ITPR1: variants seen among roughly 807,000 people sequenced by gnomAD.
ITPR1 encodes the protein inositol 1,4,5-trisphosphate receptor type 1.
Under a neutral mutation model 318.4 loss-of-function variants are expected in ITPR1, and 96 were observed. The ratio of observed to expected loss-of-function variants is 0.30; its 90% CI spans 0.26 to 0.36. ITPR1 has a LOEUF of 0.36. Among genes scored for constraint, ITPR1 ranks in the 10% least tolerant of loss-of-function variants. The probability of loss-of-function intolerance (pLI) is 1.00; values close to 1 mark genes in which losing one functional copy is unlikely to be tolerated. For synonymous variants in ITPR1, 1,312 were observed against 1,289.9 expected, an observed-to-expected ratio of 1.02 and a Z score of -0.37; for missense variants, 2,440 against 3,460.2, an observed-to-expected ratio of 0.71 and a Z score of 7.40.
intron 59 of ITPR1, chr3:4,817,395 G>A (rs1559949176): frequency 1.3e-5 from 2 of 152,202 alleles, no homozygotes. Context: ...ACACATCTGT[G>A]TATATATGTA....
Position 4,697,091 on chromosome 3 carries a change from A to G in ITPR1, c.4282-56A>G, listed in dbSNP as rs2094570883. 4.5e-6 allele frequency: 7 copies of G among 1,566,476 alleles called. No homozygotes were observed. The Admixed American group carries it at 1.2e-4, about 27-fold the overall frequency. Reference sequence around the variant, plus strand: ...CCTTGCTGTGAAGTTGAGGCAGCTAATGAGTTCCATACACACCAAGATGGT... The same window carrying G: ...CCTTGCTGTGAAGTTGAGGCAGCTAGTGAGTTCCATACACACCAAGATGGT... On this transcript the variant is annotated intron_variant, in intron 33 of 61. Transcript: ENST00000649015.
intron 4 of ITPR1, among the ~76,000 whole-genome samples, chr3:4,527,369 G>T (rs2083066597): frequency 6.6e-6 from 1 of 152,056 alleles, no homozygotes; most frequent in Non-Finnish European, 1.5e-5. Context: ...AGAGATGGGG[G>T]TCTTGTATGG....
At chr3:4,810,438 A>G (rs764522207) in intron 55 of ITPR1, among the ~76,000 whole-genome samples, 2 of 152,192 alleles carry the variant, frequency 1.3e-5, no homozygotes, top group Non-Finnish European at 2.9e-5. Context: ...CAGGAAGCCA[A>G]CTTCTTGCAA....
At chr3:4,577,886 G>A (rs1488358104) in intron 4 of ITPR1, among the ~76,000 whole-genome samples, 1 of 152,160 alleles carries the variant, frequency 6.6e-6, no homozygotes, top group Non-Finnish European at 1.5e-5. Flanking sequence ...TAGTTATTTG[G>A]ATAGAGGCCA....
At chr3:4,676,021 G>A (rs2094177679) in intron 23 of ITPR1, among the ~76,000 whole-genome samples, 1 of 152,032 alleles carries the variant, frequency 6.6e-6, no homozygotes, top group African/African-American at 2.4e-5. Context: ...CTAGTTCTGT[G>A]CTCATAACAA....
chr3:4,499,611 A>C (rs989762361), intron 2 of ITPR1, among the ~76,000 whole-genome samples: 4 of 152,322 alleles, frequency 2.6e-5, no homozygotes, highest in South Asian at 4.1e-4. Context: ...ATGTTCACTA[A>C]TCTCTGTATT....
chr3:4,501,460 A>G (rs2081015007), intron 2 of ITPR1, among the ~76,000 whole-genome samples: 1 of 152,254 alleles, frequency 6.6e-6, no homozygotes, highest in African/African-American at 2.4e-5. Flanking sequence ...ATGAATGAGA[A>G]CCTACATTTT....
intron 4 of ITPR1, among the ~76,000 whole-genome samples, chr3:4,583,401 C>T (rs2089557738): frequency 6.6e-6 from 1 of 151,994 alleles, no homozygotes; most frequent in East Asian, 1.9e-4. Flanking sequence ...TTATGTGTTT[C>T]ACAGGGAATG....
At chr3:4,787,015 T>C (rs1257897150) in intron 51 of ITPR1, among the ~76,000 whole-genome samples, 1 of 152,192 alleles carries the variant, frequency 6.6e-6, no homozygotes, top group Non-Finnish European at 1.5e-5. Flanking sequence ...TCACTAGCTA[T>C]GTATGGCTAT....
intron 4 of ITPR1, among the ~76,000 whole-genome samples, chr3:4,529,403 T>C (rs539603261): frequency 1.3e-5 from 2 of 152,364 alleles, no homozygotes; most frequent in East Asian, 1.9e-4. Flanking sequence ...TATTGTCATA[T>C]TGTCATATTG....
At chr3:4,536,389 G>T (rs186903979) in intron 4 of ITPR1, among the ~76,000 whole-genome samples, 6 of 152,250 alleles carry the variant, frequency 3.9e-5, no homozygotes, top group Non-Finnish European at 5.9e-5. Flanking sequence ...TTACCATTTT[G>T]CATGTTTCTG....
intron 25 of ITPR1, 117 bp downstream of exon 25, chr3:4,680,808 C>A (rs2094282844): frequency 1.1e-5 from 9 of 852,796 alleles, no homozygotes; most frequent in Non-Finnish European, 1.6e-5. Context: ...GATTATTGCA[C>A]CAGGGCATCA....
At chr3:4,599,440 T>C (rs1179593680) in intron 4 of ITPR1, among the ~76,000 whole-genome samples, 1 of 152,172 alleles carries the variant, frequency 6.6e-6, no homozygotes, top group African/African-American at 2.4e-5. Flanking sequence ...ATGCAGAAAA[T>C]CTAGCCACAG....
chr3:4,820,191 C>CG (rs140710764), intron 60 of ITPR1, among the ~76,000 whole-genome samples: 2,358 of 152,240 alleles, frequency 0.015, 62 homozygotes, highest in African/African-American at 0.055. Flanking sequence ...AAACCCTACT[C>CG]GATCAGCATT....
rs2125067321 is a variant in ITPR1, at chr3:4,591,187, T to C, written c.164-36576T>C. On this transcript the variant is annotated intron_variant, in intron 4 of 61. Coordinates refer to ENST00000649015, the MANE Select transcript of ITPR1 (RefSeq NM_001378452.1). Reference sequence around the variant, plus strand: ...ATTGTGAATAGTGCTTCAGTGAACATAATTGTGCATGTGTATTTATGGTAG... The same window carrying C: ...ATTGTGAATAGTGCTTCAGTGAACACAATTGTGCATGTGTATTTATGGTAG... Among the ~76,000 whole-genome samples the C allele has an allele frequency of 1.3e-5, 2 of 152,346 alleles. 1 individual carries two copies. The highest frequency in any genetic ancestry group is 4.1e-4 in the South Asian group (2 of 4,824).
intron 52 of ITPR1, among the ~76,000 whole-genome samples, chr3:4,792,415 A>G (rs558117479): frequency 1.0e-3 from 156 of 152,310 alleles, no homozygotes; most frequent in Middle Eastern, 3.4e-3. Flanking sequence ...ACTTAAAACA[A>G]TAAATGTTTA....
At chr3:4,698,296 C>CA (rs11369023) in intron 34 of ITPR1, among the ~76,000 whole-genome samples, 152,296 of 152,296 alleles carry the variant, frequency 1, 76,148 homozygotes, top group Non-Finnish European at 1. Flanking sequence ...TAGTGTGAGA[C>CA]AGAAGCCTAT....
chr3:4,692,161 A>AG (rs1553696354), intron 32 of ITPR1, among the ~76,000 whole-genome samples: 160 of 151,706 alleles, frequency 1.1e-3, no homozygotes, highest in Middle Eastern at 6.8e-3. Context: ...AAATAAAAAA[A>AG]AGAGAGAGTC....
In ITPR1 at chr3:4,775,256, C is replaced by T; in HGVS notation, c.5994C>T (p.Cys1998=). The T allele has an allele frequency of 1.2e-6, 2 of 1,613,932 alleles. No individual in the cohort carries two copies. The highest frequency in any genetic ancestry group is 8.5e-7 in the Non-Finnish European group (1 of 1,179,816). Residue 1998 remains cysteine (C), a synonymous_variant, in exon 47 of 62, where the codon TGC becomes TGT. Coordinates refer to ENST00000649015, the MANE Select transcript of ITPR1 (RefSeq NM_001378452.1). ...CCCAATTGCAGAACTTCCTCCGTTG[C>T]CAAAATAACAAGACCAACTACAATT... ...HNRDLQNFLR[C]QNNKTNYNLV... is the part of the protein sequence containing the mutation.
Sources: allele counts gnomAD v4.1 joint callset (sites outside exome capture counted in the v4.1 genomes callset), GRCh38; gene constraint gnomAD v4.1.1; transcripts MANE v1.5; gene names NCBI Gene and HGNC (gene_info 2026-07-23, HGNC 2026-07-21).